DCC: variants seen among roughly 807,000 people sequenced by gnomAD.
The protein encoded by DCC is DCC netrin 1 receptor, also known as netrin receptor DCC.
In DCC, 58 loss-of-function variants were observed where a neutral mutation model predicts 172.5. The ratio of observed to expected loss-of-function variants is 0.34; its 90% CI spans 0.27 to 0.42. The LOEUF is 0.42. DCC is among the 10% of genes least tolerant of loss of function. The pLI is 1.00. For missense variants in DCC, 1,740 were observed against 1,791.0 expected (o/e 0.97, Z 0.51); for synonymous variants, 709 against 644.5 (o/e 1.10, Z -1.52).
intron 22 of DCC, among the ~76,000 whole-genome samples, chr18:53,449,116 A>C (rs936916506): frequency 6.6e-6 from 1 of 152,254 alleles, no homozygotes; most frequent in Non-Finnish European, 1.5e-5. Context: ...CAAGATGTAT[A>C]GAAAATTAAT....
intron 9 of DCC, among the ~76,000 whole-genome samples, chr18:53,183,883 C>T (rs897562402): frequency 5.3e-5 from 8 of 151,772 alleles, no homozygotes; most frequent in African/African-American, 9.7e-5. Context: ...TGTCAATCAT[C>T]GAGACCTCAG....
At chr18:53,022,693 G>T (rs904251072) in intron 5 of DCC, among the ~76,000 whole-genome samples, 5 of 151,800 alleles carry the variant, frequency 3.3e-5, no homozygotes, top group Admixed American at 2.0e-4. Context: ...TTCTCCTTTT[G>T]CCCTGTTGGT....
chr18:53,138,358 G>T (rs911616957), intron 7 of DCC, among the ~76,000 whole-genome samples: 5 of 152,052 alleles, frequency 3.3e-5, no homozygotes, highest in Non-Finnish European at 5.9e-5. Flanking sequence ...TAAAAAACCT[G>T]AGTATTTTAA....
intron 2 of DCC, among the ~76,000 whole-genome samples, chr18:52,777,700 T>G (rs942311433): frequency 6.6e-6 from 1 of 151,888 alleles, no homozygotes; most frequent in African/African-American, 2.4e-5. Context: ...GAAAGATACC[T>G]GTGCAGCTGA....
At chr18:53,423,076 A>G (rs1344844802) in intron 21 of DCC, among the ~76,000 whole-genome samples, 1 of 152,162 alleles carries the variant, frequency 6.6e-6, no homozygotes, top group Non-Finnish European at 1.5e-5. Context: ...AGCAGTTTTC[A>G]TGTTTTAATA....
chr18:53,128,012 T>C (rs1229585296), intron 7 of DCC, among the ~76,000 whole-genome samples: 5 of 152,150 alleles, frequency 3.3e-5, no homozygotes, highest in African/African-American at 9.7e-5. Context: ...CAAATTGTTT[T>C]AATAACCTCA....
At chr18:52,582,967 C>G (rs866087135) in intron 1 of DCC, among the ~76,000 whole-genome samples, 2 of 152,092 alleles carry the variant, frequency 1.3e-5, no homozygotes, top group Non-Finnish European at 2.9e-5. Flanking sequence ...GTCCAACATA[C>G]GTGTTTCTGA....
At chr18:52,621,987 AT>A (rs1261716344) in intron 1 of DCC, among the ~76,000 whole-genome samples, 5 of 152,144 alleles carry the variant, frequency 3.3e-5, no homozygotes, top group Non-Finnish European at 7.4e-5. Flanking sequence ...TTCTGTTTTT[AT>A]TTACTAATAA....
chr18:53,129,879 T>TA (rs1201958505), intron 7 of DCC, among the ~76,000 whole-genome samples: 1 of 152,140 alleles, frequency 6.6e-6, no homozygotes, highest in East Asian at 1.9e-4. Flanking sequence ...CTAGGCCATA[T>TA]AAAAAACAGA....
intron 1 of DCC, among the ~76,000 whole-genome samples, chr18:52,513,616 A>G (rs1397596912): frequency 2.0e-5 from 3 of 152,200 alleles, no homozygotes. Context: ...TAAATGAAGA[A>G]ACTTAATCAA....
At chr18:53,242,848 G>A (rs1338607418) in intron 12 of DCC, among the ~76,000 whole-genome samples, 3 of 150,970 alleles carry the variant, frequency 2.0e-5, no homozygotes, top group South Asian at 4.2e-4. Context: ...GGATAAAGGT[G>A]TCCAGACCTA....
intron 2 of DCC, among the ~76,000 whole-genome samples, chr18:52,765,091 T>A (rs749232391): frequency 1.3e-5 from 2 of 151,602 alleles, no homozygotes; most frequent in Non-Finnish European, 2.9e-5. Context: ...TGCAGTGATG[T>A]GATCTCAGCT....
At position 52,584,596 on chromosome 18, in the gene DCC, T is replaced by A. The variant is rs115790057; in HGVS notation, c.92-167458T>A. On this transcript the variant is annotated intron_variant, in intron 1 of 28. Coordinates refer to ENST00000442544, the MANE Select transcript of DCC (RefSeq NM_005215.4). ...ACTTTGGTTCAAATCCCAGTTTCTCTCTTTACTAGTATTATAACCCTGGGC... is the reference window on the plus strand; with the variant it reads ...ACTTTGGTTCAAATCCCAGTTTCTCACTTTACTAGTATTATAACCCTGGGC... 8.3e-3 allele frequency among the ~76,000 whole-genome samples: 1,260 copies of A among 152,218 alleles called. 18 individuals carry two copies. Among genetic ancestry groups the A allele is most frequent in the African/African-American group, 0.029 (1,204 of 41,544 alleles).
chr18:52,702,227 G>A (rs979374329), intron 1 of DCC, among the ~76,000 whole-genome samples: 1 of 152,094 alleles, frequency 6.6e-6, no homozygotes, highest in African/African-American at 2.4e-5. Flanking sequence ...AGGTAGGTTT[G>A]CATAAACCTA....
chr18:53,069,474 C>T (rs2042622506), intron 7 of DCC, among the ~76,000 whole-genome samples: 1 of 152,162 alleles, frequency 6.6e-6, no homozygotes, highest in Non-Finnish European at 1.5e-5. Context: ...AACCAAGACA[C>T]TAGAGTGATG....
chr18:53,356,594 A>C (rs983656456), intron 15 of DCC, among the ~76,000 whole-genome samples: 1 of 152,270 alleles, frequency 6.6e-6, no homozygotes, highest in Non-Finnish European at 1.5e-5. Context: ...ATGGTTGTCC[A>C]TCTGGCCGGA....
chr18:53,435,184 T>C lies in DCC; in HGVS notation c.3204T>C (p.Asn1068=), dbSNP rs1213308989. 1.2e-6 allele frequency: 2 copies of C among 1,609,218 alleles called. No individual in the cohort carries two copies. Among genetic ancestry groups the C allele is most frequent in the Admixed American group, 1.7e-5 (1 of 60,004 alleles). Residue 1068 remains asparagine, a synonymous_variant, in exon 22 of 29, where the codon AAT becomes AAC. Transcript: ENST00000442544. ...GDGGYWPVDT[N]LIDRSTLNEP... ...GAGGTTATTGGCCAGTTGATACTAA[T>C]TTGATTGATAGAAGCACCCTAAATG...
intron 8 of DCC, among the ~76,000 whole-genome samples, chr18:53,163,245 T>G (rs986169716): frequency 2.0e-5 from 3 of 148,824 alleles, no homozygotes; most frequent in South Asian, 2.3e-4. Context: ...GGCAGAGAGA[T>G]ATGATATTCT....
intron 25 of DCC, among the ~76,000 whole-genome samples, chr18:53,476,029 T>A (rs952710237): frequency 6.6e-6 from 1 of 152,234 alleles, no homozygotes; most frequent in Admixed American, 6.5e-5. Flanking sequence ...TTGACTGCCC[T>A]ACTGAATTTC....
Sources: gnomAD v4.1 joint callset for allele counts (sites outside exome capture counted in the v4.1 genomes callset) on GRCh38, gnomAD v4.1.1 for gene constraint, MANE v1.5 for transcripts, NCBI Gene and HGNC (gene_info 2026-07-23, HGNC 2026-07-21) for gene names.